Variants in ZBBX observed in about 807,000 individuals in gnomAD.
ZBBX encodes zinc finger B-box domain-containing protein 1.
Under a neutral mutation model 108.5 loss-of-function variants are expected in ZBBX, and 101 were observed. That is an observed-to-expected ratio of 0.93 (90% CI 0.79 to 1.10). The LOEUF (loss-of-function observed/expected upper bound fraction) is 1.10. Among genes scored for constraint, ZBBX ranks in the 50% least tolerant of loss-of-function variants. The pLI is 0.00. For missense variants in ZBBX, 1,009 were observed against 941.4 expected (o/e 1.07, Z -0.94); for synonymous variants, 356 against 323.4 (o/e 1.10, Z -1.08).
intron 19 of ZBBX, among the ~76,000 whole-genome samples, chr3:167,283,261 C>T (rs1041700248): frequency 1.3e-5 from 2 of 152,122 alleles, no homozygotes; most frequent in Admixed American, 6.6e-5. Context: ...TATACTAACA[C>T]AACATAACTA....
intron 18 of ZBBX, 26 bp from the exon 19 acceptor site, chr3:167,289,009 C>G: frequency 6.8e-7 from 1 of 1,479,410 alleles, no homozygotes; most frequent in Non-Finnish European, 9.1e-7. Flanking sequence ...AGTAAGATAA[C>G]ATAAAGTTTG....
Position 167,359,912 on chromosome 3 carries a change from A to G in ZBBX, c.390T>C (p.Asn130=), listed in dbSNP as rs373595467. The G allele has an allele frequency of 6.4e-7, 1 of 1,574,740 alleles. No homozygotes were observed. Among genetic ancestry groups the G allele is most frequent in the Non-Finnish European group, 8.6e-7 (1 of 1,157,982 alleles). ...TCTCACACTGTCCACATACTTTCCC[A>G]TTTATCTTGGGTTTTTCACATTCTG... ...NSSECEKPKI[N]GKVCGQCENK... Residue 130 remains asparagine, a synonymous_variant, in exon 8 of 22, where the codon AAT becomes AAC. Transcript: ENST00000675490.
chr3:167,405,165 T>C (rs1748546070), intron 1 of ZBBX, among the ~76,000 whole-genome samples: 1 of 152,182 alleles, frequency 6.6e-6, no homozygotes, highest in Non-Finnish European at 1.5e-5. Flanking sequence ...TGTGAGACAT[T>C]GTTAAAAATG....
chr3:167,287,490 C>T (rs1214939765), intron 19 of ZBBX, among the ~76,000 whole-genome samples: 2 of 152,078 alleles, frequency 1.3e-5, no homozygotes, highest in African/African-American at 4.8e-5. Context: ...TTATACTGGA[C>T]TCTAAGCTCT....
the ZBBX span, among the ~76,000 whole-genome samples, chr3:167,229,852 G>T: frequency 6.6e-6 from 1 of 151,780 alleles, no homozygotes; most frequent in Non-Finnish European, 1.5e-5. Flanking sequence ...ATATTTTAAA[G>T]AATTAAACCA....
intron 9 of ZBBX, among the ~76,000 whole-genome samples, chr3:167,348,356 GAA>G (rs1553832871): frequency 9.6e-5 from 11 of 115,044 alleles, no homozygotes; most frequent in East Asian, 8.6e-4. Context: ...AAGAAAGAAA[GAA>G]AGAAAGAAAG....
In ZBBX at chr3:167,282,326, G is replaced by T; in HGVS notation, c.2166C>A (p.Asp722Glu). Residue 722 changes from aspartate to glutamate, a missense_variant, in exon 20 of 22, where the codon GAC (aspartate) becomes GAA (glutamate). Asp to Glu is a conservative substitution (Grantham distance 45). Transcript: ENST00000675490. ...ISEIEYIDIT[D>E]QNELSLDDTT... The stretch of plus-strand genomic sequence containing the variant: ...TGTCATCTAAGGAAAGCTCATTCTG[G>T]TCAGTAATATCAATATATTCAATTT... The T allele has an allele frequency of 1.9e-6, 3 of 1,613,892 alleles. No individual in the cohort carries two copies. The East Asian group carries it at 6.7e-5, about 36-fold the overall frequency.
the ZBBX span, among the ~76,000 whole-genome samples, chr3:167,207,076 T>A: frequency 3.9e-5 from 6 of 152,198 alleles, no homozygotes; most frequent in Non-Finnish European, 8.8e-5. Flanking sequence ...GCATTGGCAA[T>A]ACTTTTTTGG....
At chr3:167,374,688 G>C (rs894849851) in intron 2 of ZBBX, among the ~76,000 whole-genome samples, 2 of 152,078 alleles carry the variant, frequency 1.3e-5, no homozygotes, top group African/African-American at 4.8e-5. Flanking sequence ...AAATGGTTTA[G>C]AGTCAAATAG....
intron 9 of ZBBX, among the ~76,000 whole-genome samples, chr3:167,339,874 GT>G (rs1740238184): frequency 1.3e-5 from 2 of 152,124 alleles, no homozygotes; most frequent in African/African-American, 4.8e-5. Flanking sequence ...CTGTGTCCAT[GT>G]GTTCTCATTG....
chr3:167,179,463 G>T, the ZBBX span, among the ~76,000 whole-genome samples: 1 of 152,216 alleles, frequency 6.6e-6, no homozygotes, highest in Admixed American at 6.5e-5. Context: ...CCTGGAAGAG[G>T]GGTATGAGCC....
rs774363877 is a variant in ZBBX, at chr3:167,313,534, C to T, written c.1417+440G>A. Among the ~76,000 whole-genome samples the T allele has an allele frequency of 7.9e-5, 12 of 152,108 alleles. No individual in the cohort carries two copies. In the South Asian group the frequency reaches 2.1e-3, roughly 26 times the overall value. On this transcript the variant is annotated intron_variant, in intron 16 of 21. Transcript: ENST00000675490. Reference sequence around the variant, plus strand: ...CTGACTTCAGGTGATCCACCCACCTCGCCTCCCAAAATGCTGGGATTACAA... The same window carrying T: ...CTGACTTCAGGTGATCCACCCACCTTGCCTCCCAAAATGCTGGGATTACAA...
intron 12 of ZBBX, among the ~76,000 whole-genome samples, chr3:167,319,230 T>C (rs6771548): frequency 0.82 from 124,283 of 151,924 alleles, 51,248 homozygotes; most frequent in African/African-American, 0.93. Context: ...TACAAGAACA[T>C]GGATGAATCT....
the ZBBX span, among the ~76,000 whole-genome samples, chr3:167,225,447 C>T: frequency 5.9e-5 from 9 of 151,774 alleles, no homozygotes; most frequent in East Asian, 1.9e-4. Flanking sequence ...CAACACATTG[C>T]CTACTTTCAG....
Position 167,350,479 on chromosome 3 carries a change from A to G in ZBBX, c.469T>C (p.Cys157Arg), listed in dbSNP as rs774783239. The stretch of plus-strand genomic sequence containing the variant: ...CCTTTCTGGTGAACTTTAGCAAAGC[A>G]TCCTGAACAATAATCTTCTCCACAT... ...LECGEDYCSG[C>R]FAKVHQKGAL... The change falls in exon 9 of 22, where the codon TGC becomes CGC. Residue 157 changes from cysteine (C) to arginine (R), a missense_variant. Physicochemically the swap from Cys to Arg is radical, Grantham distance 180. Coordinates refer to ENST00000675490, the MANE Select transcript of ZBBX (RefSeq NM_001199201.2). 1 of 1,594,474 alleles carries G rather than the reference A, an allele frequency of 6.3e-7. No individual in the cohort carries two copies. The highest frequency in any genetic ancestry group is 1.1e-5 in the South Asian group (1 of 87,452).
chr3:167,190,460 A>C, the ZBBX span, among the ~76,000 whole-genome samples: 3 of 148,810 alleles, frequency 2.0e-5, no homozygotes, highest in Non-Finnish European at 3.0e-5. Flanking sequence ...GGCTCACTGC[A>C]AGCTCCGCCT....
At chr3:167,383,762 C>A (rs2140365), upstream of ZBBX, among the ~76,000 whole-genome samples, 11,531 of 152,116 alleles carry the variant, frequency 0.076, 493 homozygotes, top group Admixed American at 0.11. Context: ...TAAATTTAAT[C>A]AACATTTATT....
In ZBBX at chr3:167,317,032, T is replaced by C. The variant is rs1166145894; in HGVS notation, c.1167A>G (p.Pro389=). Residue 389 remains proline (P), a synonymous_variant, in exon 14 of 22, where the codon CCA becomes CCG. Coordinates refer to ENST00000675490, the MANE Select transcript of ZBBX (RefSeq NM_001199201.2). Reference sequence around the variant, plus strand: ...CATCCAGTTCGACTATCTTTAGAGATGGTTCAGGTCTCTCTATGTTTAATG... The same window carrying C: ...CATCCAGTTCGACTATCTTTAGAGACGGTTCAGGTCTCTCTATGTTTAATG... ...VETLNIERPE[P]SLKIVELDDT... 1 of 1,607,866 alleles carries C rather than the reference T, an allele frequency of 6.2e-7. No individual in the cohort carries two copies. Among genetic ancestry groups the C allele is most frequent in the Admixed American group, 1.7e-5 (1 of 59,212 alleles).
chr3:167,215,670 C>T, the ZBBX span, among the ~76,000 whole-genome samples: 1 of 151,992 alleles, frequency 6.6e-6, no homozygotes, highest in East Asian at 1.9e-4. Flanking sequence ...GGCAGAGACC[C>T]AAGACAAAAA....
Sources: gnomAD v4.1 joint callset for allele counts (sites outside exome capture counted in the v4.1 genomes callset) on GRCh38, gnomAD v4.1.1 for gene constraint, MANE v1.5 for transcripts, NCBI Gene and HGNC (gene_info 2026-07-23, HGNC 2026-07-21) for gene names.